Variants in BNC2 observed in about 807,000 individuals in gnomAD.
BNC2 encodes zinc finger protein basonuclin-2.
Under a neutral mutation model 76.3 loss-of-function variants are expected in BNC2, and 20 were observed. That is an observed-to-expected ratio of 0.26 (90% CI 0.18 to 0.38). BNC2 has a LOEUF of 0.38. Among genes scored for constraint, BNC2 ranks in the 10% least tolerant of loss-of-function variants. BNC2 has a pLI of 1.00. For missense variants in BNC2, 1,382 were observed against 1,399.8 expected (o/e 0.99, Z 0.20); for synonymous variants, 582 against 514.8 (o/e 1.13, Z -1.77).
At chr9:16,505,101 A>C (rs1054846295) in intron 5 of BNC2, among the ~76,000 whole-genome samples, 15 of 152,226 alleles carry the variant, frequency 9.9e-5, no homozygotes, top group African/African-American at 3.1e-4. Context: ...TAAAATGGAA[A>C]GAACAGAACC....
At chr9:16,784,970 G>C (rs1426715115) in intron 1 of BNC2, among the ~76,000 whole-genome samples, 1 of 152,168 alleles carries the variant, frequency 6.6e-6, no homozygotes, top group Admixed American at 6.5e-5. Context: ...TTAAGCCCGT[G>C]AGACCCAGAG....
rs189823352 is a variant in BNC2 at position 16,616,519 on chromosome 9, A to G, written c.331-33434T>C. ...CAAGACCAGTGTGGGCAATATTGCA[A>G]GACCCTGTCTCTACAAAAAAAATTT... On this transcript the variant is annotated intron_variant, in intron 3 of 6. Coordinates refer to ENST00000380672, the MANE Select transcript of BNC2 (RefSeq NM_017637.6). Among the ~76,000 whole-genome samples, 341 of 151,748 alleles carry G rather than the reference A, an allele frequency of 2.2e-3. 2 individuals carry two copies. The highest frequency in any genetic ancestry group is 7.7e-3 in the African/African-American group (319 of 41,366).
intron 1 of BNC2, chr9:16,775,663 C>G (rs890632112): frequency 2.4e-5 from 5 of 206,948 alleles, no homozygotes; most frequent in Non-Finnish European, 4.4e-5. Context: ...CCAGCCTGGT[C>G]TGCTGGTCCA....
At chr9:16,543,193 A>G (rs1018636032) in intron 5 of BNC2, among the ~76,000 whole-genome samples, 2 of 152,220 alleles carry the variant, frequency 1.3e-5, no homozygotes, top group African/African-American at 2.4e-5. Context: ...AAATTTACTA[A>G]GCTCCACTAT....
intron 5 of BNC2, among the ~76,000 whole-genome samples, chr9:16,439,659 C>G (rs1364900697): frequency 2.0e-5 from 3 of 152,196 alleles, no homozygotes. Context: ...AAACACTGCC[C>G]TATGGTCTGA....
chr9:16,794,864 T>G (rs1434463425), intron 1 of BNC2, among the ~76,000 whole-genome samples: 1 of 151,730 alleles, frequency 6.6e-6, no homozygotes, highest in Non-Finnish European at 1.5e-5. Flanking sequence ...CAAGAAGAAG[T>G]GTCAGGCTCA....
chr9:16,459,730 G>A (rs1361829270), intron 5 of BNC2, among the ~76,000 whole-genome samples: 2 of 152,230 alleles, frequency 1.3e-5, no homozygotes, highest in East Asian at 3.9e-4. Context: ...GAACAAAGAT[G>A]TCCCAATTAA....
intron 1 of BNC2, among the ~76,000 whole-genome samples, chr9:16,828,177 G>T (rs1317842867): frequency 6.6e-6 from 1 of 152,140 alleles, no homozygotes; most frequent in Non-Finnish European, 1.5e-5. Flanking sequence ...TGATAAAAAT[G>T]GAGTAGCTTA....
At chr9:16,657,849 G>A (rs960556198) in intron 3 of BNC2, among the ~76,000 whole-genome samples, 13 of 152,078 alleles carry the variant, frequency 8.5e-5, no homozygotes, top group African/African-American at 3.1e-4. Context: ...CATAATTTGT[G>A]GGGGCTACTT....
chr9:16,854,772 T>C (rs1339551), intron 1 of BNC2, among the ~76,000 whole-genome samples: 19,783 of 151,250 alleles, frequency 0.13, 2,263 homozygotes, highest in East Asian at 0.55. Flanking sequence ...TATTAACGTA[T>C]CTAAAGAAAG....
chr9:16,519,873 C>T (rs761413307), intron 5 of BNC2, among the ~76,000 whole-genome samples: 1 of 152,140 alleles, frequency 6.6e-6, no homozygotes, highest in Non-Finnish European at 1.5e-5. Context: ...CCAGGTAGAA[C>T]TAAAGGAGTT....
At chr9:16,532,633 C>A (rs1248444589) in intron 5 of BNC2, among the ~76,000 whole-genome samples, 3 of 152,044 alleles carry the variant, frequency 2.0e-5, no homozygotes, top group Non-Finnish European at 4.4e-5. Context: ...TAGAAACATG[C>A]AATGAAAAAA....
intron 1 of BNC2, among the ~76,000 whole-genome samples, chr9:16,740,119 G>A (rs1335290314): frequency 6.6e-6 from 1 of 152,208 alleles, no homozygotes; most frequent in Non-Finnish European, 1.5e-5. Context: ...ATTGTCCAAC[G>A]TTCCACCTGA....
At position 16,411,677 on chromosome 9, in the gene BNC2, C is replaced by T. The variant is rs1272049249; in HGVS notation, c.*7312G>A. 6.6e-6 allele frequency: 1 copy of T among 152,662 alleles called. No homozygotes were observed. Among genetic ancestry groups the T allele is most frequent in the Non-Finnish European group, 1.5e-5 (1 of 68,042 alleles). The allele number at this position is 152,662 out of a possible 1,614,324, so 9.5% of individuals were successfully genotyped here. On this transcript the variant is annotated 3_prime_UTR_variant, in exon 7 of 7. Transcript: ENST00000380672. ...AGTGCTTTTCTTCCCAGTCCCCACA[C>T]TGGTTCATGAAATTATTTAGCACAG...
chr9:16,420,878 G>C (rs116372236), intron 6 of BNC2, among the ~76,000 whole-genome samples: 1 of 152,088 alleles, frequency 6.6e-6, no homozygotes, highest in East Asian at 1.9e-4. Flanking sequence ...AGGCTCACAT[G>C]TTCAACAGTA....
At chr9:16,547,407 G>A (rs1381825977) in intron 5 of BNC2, among the ~76,000 whole-genome samples, 2 of 152,182 alleles carry the variant, frequency 1.3e-5, no homozygotes, top group Non-Finnish European at 2.9e-5. Flanking sequence ...TGAGTTCCAT[G>A]GTGAAACATC....
In BNC2 at chr9:16,765,981, A is replaced by G. The variant is rs7846914; in HGVS notation, c.4-27496T>C. On this transcript the variant is annotated intron_variant, in intron 1 of 6. Transcript: ENST00000380672. The stretch of plus-strand genomic sequence containing the variant: ...TTTTTGTATTTTTAGTAGAGACGGG[A>G]TTTCACCGTGTTAGCCAGGATGTTC... Among the ~76,000 whole-genome samples, 1,074 of 151,658 alleles carry G rather than the reference A, an allele frequency of 7.1e-3. 9 individuals carry two copies. Among genetic ancestry groups the G allele is most frequent in the African/African-American group, 0.023 (955 of 41,346 alleles).
At chr9:16,650,547 A>AT (rs201099421) in intron 3 of BNC2, among the ~76,000 whole-genome samples, 104 of 151,620 alleles carry the variant, frequency 6.9e-4, no homozygotes, top group African/African-American at 1.8e-3. Flanking sequence ...TTATTTCAAA[A>AT]TTTTTTTTTA....
At chr9:16,473,504 C>T (rs959065450) in intron 5 of BNC2, 1 of 152,100 alleles carries the variant, frequency 6.6e-6, no homozygotes, top group Non-Finnish European at 1.5e-5. Flanking sequence ...ACTGTCAAAG[C>T]AACCTTAGAC....
Sources: allele counts gnomAD v4.1 joint callset (sites outside exome capture counted in the v4.1 genomes callset), GRCh38; gene constraint gnomAD v4.1.1; transcripts MANE v1.5; gene names NCBI Gene and HGNC (gene_info 2026-07-23, HGNC 2026-07-21).